The following FRY variants were observed in gnomAD, a reference collection of about 807,000 sequenced individuals.
The protein encoded by FRY is protein furry homolog.
Under a neutral mutation model 348.4 loss-of-function variants are expected in FRY, and 128 were observed. The ratio of observed to expected loss-of-function variants is 0.37; its 90% CI spans 0.32 to 0.43. The LOEUF (loss-of-function observed/expected upper bound fraction) is 0.43, where lower values mean the gene tolerates loss of function less well. Ranked by LOEUF, FRY falls within the 20% of genes least tolerant of loss-of-function variation. FRY has a pLI of 1.00. For synonymous variants in FRY, 1,370 were observed against 1,374.7 expected (o/e 1.00, Z 0.08); for missense variants, 2,736 against 3,695.2 (o/e 0.74, Z 6.73).
chr13:32,224,336 C>A lies in FRY; in HGVS notation c.4867C>A (p.Leu1623Met). 4 of 1,614,050 alleles carry A rather than the reference C, an allele frequency of 2.5e-6. No homozygotes were observed. The highest frequency in any genetic ancestry group is 3.4e-6 in the Non-Finnish European group (4 of 1,179,964). Reference sequence around the variant, plus strand: ...TTGTACTGGAGGATGCTGGGCCCCCCTGGTTGACTATCTCCCGGAGACCAT... The same window carrying A: ...TTGTACTGGAGGATGCTGGGCCCCCATGGTTGACTATCTCCCGGAGACCAT... ...MPCTGGCWAP[L>M]VDYLPETITP... The change falls in exon 37 of 61, where the codon CTG (leucine) becomes ATG (methionine). Residue 1623 changes from leucine to methionine, a missense_variant. Leu to Met is a conservative substitution (Grantham distance 15, BLOSUM62 2). This residue lies in a region of FRY where 794 missense variants were observed against 977.0 expected (regional missense o/e 0.81). Transcript: ENST00000542859.
At chr13:32,047,143 T>G (rs1873065166) in intron 1 of FRY, among the ~76,000 whole-genome samples, 1 of 152,244 alleles carries the variant, frequency 6.6e-6, no homozygotes, top group Admixed American at 6.5e-5. Flanking sequence ...CCATAACAAT[T>G]AAAGGAGTTG....
chr13:32,067,005 G>T (rs1159230141), intron 1 of FRY, among the ~76,000 whole-genome samples: 1 of 152,224 alleles, frequency 6.6e-6, no homozygotes, highest in East Asian at 1.9e-4. Flanking sequence ...CATGCACGGT[G>T]CTAAGTGCTG....
intron 23 of FRY, among the ~76,000 whole-genome samples, chr13:32,180,978 C>A (rs777458483): frequency 6.6e-6 from 1 of 151,970 alleles, no homozygotes; most frequent in Non-Finnish European, 1.5e-5. Flanking sequence ...GCAACCTCCG[C>A]CTTCCAGGTT....
At chr13:32,186,914 C>A (rs1883058556) in intron 27 of FRY, among the ~76,000 whole-genome samples, 1 of 152,090 alleles carries the variant, frequency 6.6e-6, no homozygotes, top group Admixed American at 6.6e-5. Context: ...CTCAGATTAC[C>A]TTTGCCTCGG....
In FRY at chr13:32,236,160, C is replaced by A; in HGVS notation, c.5798C>A (p.Thr1933Asn). 1 of 1,611,298 alleles carries A rather than the reference C, an allele frequency of 6.2e-7. No individual in the cohort carries two copies. Among genetic ancestry groups the A allele is most frequent in the Non-Finnish European group, 8.5e-7 (1 of 1,177,484 alleles). Residue 1933 changes from threonine to asparagine, a missense_variant, in exon 43 of 61, where the codon ACT becomes AAT. Transcript: ENST00000542859. ...TGCTTGAAGAACAGTGACCTCCTAACTGTATTGTCCCGGTGAGAATCAGCT... is the reference window on the plus strand; with the variant it reads ...TGCTTGAAGAACAGTGACCTCCTAAATGTATTGTCCCGGTGAGAATCAGCT... ...SDCLKNSDLL[T>N]VLSRSSSPDL...
At chr13:32,102,139 T>G in intron 3 of FRY, 123 bp downstream of exon 3, 1 of 709,138 alleles carries the variant, frequency 1.4e-6, no homozygotes, top group Non-Finnish European at 2.6e-6. Context: ...GTATGTGGTC[T>G]TAAGAACTGT....
chr13:32,254,187 G>A, intron 50 of FRY, 37 bp from the exon 51 acceptor site: 1 of 1,609,694 alleles, frequency 6.2e-7, no homozygotes, highest in Non-Finnish European at 8.5e-7. Flanking sequence ...CAACCAAAGG[G>A]AGAACGGTTT....
At chr13:32,148,963 G>A (rs1880629038) in intron 13 of FRY, among the ~76,000 whole-genome samples, 1 of 151,368 alleles carries the variant, frequency 6.6e-6, no homozygotes, top group African/African-American at 2.4e-5. Flanking sequence ...GACTGAGAAT[G>A]TGCTTTGTTT....
chr13:32,234,745 A>C lies in FRY; in HGVS notation c.5699A>C (p.His1900Pro). The change falls in exon 42 of 61, where the codon CAT becomes CCT. Residue 1900 changes from histidine to proline, a missense_variant. Physicochemically the swap from His to Pro is moderately conservative, Grantham distance 77. Coordinates refer to ENST00000542859, the MANE Select transcript of FRY (RefSeq NM_023037.3). Reference protein sequence around the residue: ...LSRLVEVIGEHGDEIQGYVME... With the variant: ...LSRLVEVIGEPGDEIQGYVME... ...AGATTGGTGGAGGTGATAGGAGAAC[A>C]TGGAGATGAGATTCAGGTATGGAAG... 6.2e-7 allele frequency: 1 copy of C among 1,614,090 alleles called. No individual in the cohort carries two copies. Among genetic ancestry groups the C allele is most frequent in the African/African-American group, 1.3e-5 (1 of 75,050 alleles).
intron 4 of FRY, among the ~76,000 whole-genome samples, chr13:32,118,370 G>T (rs938824283): frequency 1.3e-5 from 2 of 152,024 alleles, no homozygotes; most frequent in African/African-American, 4.8e-5. Context: ...ACTACTTTTT[G>T]TGAATGATTT....
At chr13:32,082,238 A>AAC (rs57698756) in intron 2 of FRY, among the ~76,000 whole-genome samples, 1 of 150,326 alleles carries the variant, frequency 6.7e-6, no homozygotes, top group Non-Finnish European at 1.5e-5. Flanking sequence ...AAAAAAAAAA[A>AAC]CAGGAAATAA....
chr13:32,071,312 A>G (rs1383912453), intron 1 of FRY, among the ~76,000 whole-genome samples: 1 of 152,086 alleles, frequency 6.6e-6, no homozygotes, highest in African/African-American at 2.4e-5. Flanking sequence ...CAGTATGGCC[A>G]TTTTCATGGA....
Position 32,135,089 on chromosome 13 carries a change from T to C in FRY, c.983T>C (p.Val328Ala). 2.5e-6 allele frequency: 4 copies of C among 1,604,732 alleles called. No individual in the cohort carries two copies. The highest frequency in any genetic ancestry group is 3.4e-6 in the Non-Finnish European group (4 of 1,171,448). The stretch of plus-strand genomic sequence containing the variant: ...TCACATGCATCTCTATTTCAGGCTG[T>C]TAAAAATGAAGTAAATGTTCCCTGC... The part of the protein sequence containing the change: ...VEILVPVAAA[V>A]KNEVNVPCLR... The change falls in exon 10 of 61, where the codon GTT becomes GCT. Residue 328 changes from valine (V) to alanine (A), a missense_variant. Transcript: ENST00000542859.
At chr13:32,157,167 C>A in intron 15 of FRY, 106 bp from the exon 16 acceptor site, 1 of 1,047,864 alleles carries the variant, frequency 9.5e-7, no homozygotes, top group Non-Finnish European at 1.5e-6. Context: ...TCAAGGAAGT[C>A]ATTGACTCAT....
chr13:32,283,301 A>G (rs111541033), intron 58 of FRY, among the ~76,000 whole-genome samples: 65 of 152,292 alleles, frequency 4.3e-4, no homozygotes, highest in Non-Finnish European at 7.1e-4. Flanking sequence ...ACTGCCCTAT[A>G]TGGACTCTCC....
Position 32,239,119 on chromosome 13 carries a change from A to C in FRY, c.6419-133A>C, listed in dbSNP as rs2073995. The C allele has an allele frequency of 0.054, 38,360 of 705,960 alleles. 3,856 individuals are homozygous for C. Among genetic ancestry groups the C allele is most frequent in the East Asian group, 0.28 (10,515 of 37,436 alleles). The allele number at this position is 705,960 out of a possible 1,614,324, so 43.7% of individuals were successfully genotyped here. Reference sequence around the variant, plus strand: ...GTGCATTTTTCATAGATTTTGTGTTAGATCATGTTTAAGCTGATTCAAAAA... The same window carrying C: ...GTGCATTTTTCATAGATTTTGTGTTCGATCATGTTTAAGCTGATTCAAAAA... On this transcript the variant is annotated intron_variant, in intron 44 of 60. Transcript: ENST00000542859. The surrounding 1 kb of genome is among the most constrained non-coding windows in gnomAD (Gnocchi z 4.3).
chr13:32,133,768 C>CTTTTTTTTTTTTTTTTTTTTTTTTT (rs34413710), intron 8 of FRY, among the ~76,000 whole-genome samples: 63 of 89,278 alleles, frequency 7.1e-4, no homozygotes, highest in African/African-American at 9.5e-4. Flanking sequence ...TTCTTTCTTT[C>CTTTTTTTTTTTTTTTTTTTTTTTTT]TTTTTTTTTT....
rs2072076238 is a variant in FRY at position 32,297,199 on chromosome 13, G to A, written c.*1739G>A. ...GGATTTTTTTTAAATCCTAGTAGTT[G>A]CTACAGATGCAACTACTAGATTTTA... On this transcript the variant is annotated 3_prime_UTR_variant, in exon 61 of 61. Coordinates refer to ENST00000542859, the MANE Select transcript of FRY (RefSeq NM_023037.3). 1 of 152,080 alleles carries A rather than the reference G, an allele frequency of 6.6e-6. No individual in the cohort carries two copies. Among genetic ancestry groups the A allele is most frequent in the Non-Finnish European group, 1.5e-5 (1 of 68,020 alleles). 9.4% of individuals were successfully genotyped at this position (152,080 alleles called of 1,614,324 possible).
intron 11 of FRY, among the ~76,000 whole-genome samples, chr13:32,140,094 AC>A (rs200930432): frequency 0.046 from 6,694 of 145,512 alleles, 335 homozygotes; most frequent in African/African-American, 0.14. Context: ...TAAAAAAAAA[AC>A]AAAAACAGAA....
Sources: allele counts gnomAD v4.1 joint callset (sites outside exome capture counted in the v4.1 genomes callset), GRCh38; gene constraint gnomAD v4.1.1; regional missense constraint gnomAD v4.1.1; non-coding constraint Gnocchi (gnomAD v3.1); transcripts MANE v1.5; gene names NCBI Gene and HGNC (gene_info 2026-07-23, HGNC 2026-07-21).